DCC: variants seen among roughly 807,000 people sequenced by gnomAD.
DCC encodes the protein netrin receptor DCC.
A neutral mutation model predicts 172.5 loss-of-function variants in DCC; 58 were observed. That is an observed-to-expected ratio of 0.34 (90% CI 0.27 to 0.42). The LOEUF (loss-of-function observed/expected upper bound fraction) is 0.42. DCC is among the 10% of genes least tolerant of loss of function. The pLI is 1.00. For synonymous variants in DCC, 709 were observed against 644.5 expected (o/e 1.10, Z -1.52); for missense variants, 1,740 against 1,791.0 (o/e 0.97, Z 0.51).
chr18:53,047,872 TCTA>T (rs1200035962), intron 5 of DCC, among the ~76,000 whole-genome samples: 1 of 151,126 alleles, frequency 6.6e-6, no homozygotes, highest in Non-Finnish European at 1.5e-5. Context: ...AATGGATAGA[TCTA>T]CTATTTTCTT....
At chr18:52,797,287 T>C (rs537483958) in intron 2 of DCC, among the ~76,000 whole-genome samples, 1 of 152,230 alleles carries the variant, frequency 6.6e-6, no homozygotes, top group Non-Finnish European at 1.5e-5. Context: ...TATTGAAGAA[T>C]TATTTTGTTC....
chr18:52,499,735 A>T (rs1438089868), intron 1 of DCC, among the ~76,000 whole-genome samples: 28 of 152,064 alleles, frequency 1.8e-4, no homozygotes, highest in Non-Finnish European at 4.4e-5. Context: ...TCCCTTCTGT[A>T]TATTTTCTAG....
intron 2 of DCC, among the ~76,000 whole-genome samples, chr18:52,788,261 A>T (rs2037695127): frequency 6.6e-6 from 1 of 152,172 alleles, no homozygotes; most frequent in African/African-American, 2.4e-5. Flanking sequence ...TGCAAATAAA[A>T]CTGTTTAGTG....
intron 12 of DCC, among the ~76,000 whole-genome samples, chr18:53,237,521 A>G (rs1478089703): frequency 4.6e-5 from 7 of 152,156 alleles, no homozygotes; most frequent in Admixed American, 3.9e-4. Context: ...TTGAGTGCTC[A>G]TGCAGGGTGC....
intron 1 of DCC, among the ~76,000 whole-genome samples, chr18:52,733,678 TA>T (rs1318663813): frequency 6.6e-6 from 1 of 152,054 alleles, no homozygotes; most frequent in Non-Finnish European, 1.5e-5. Flanking sequence ...AATGTTTTTG[TA>T]AAGACATGTT....
At chr18:53,476,205 T>G (rs990270980) in intron 25 of DCC, among the ~76,000 whole-genome samples, 1 of 152,210 alleles carries the variant, frequency 6.6e-6, no homozygotes, top group African/African-American at 2.4e-5. Flanking sequence ...TCAGATGAGA[T>G]GTCGGGCTGT....
At chr18:52,421,353 C>T (rs907501059) in intron 1 of DCC, among the ~76,000 whole-genome samples, 9 of 152,230 alleles carry the variant, frequency 5.9e-5, no homozygotes, top group Admixed American at 5.2e-4. Flanking sequence ...ATGGCAGGTC[C>T]GATGACATTC....
chr18:52,436,993 A>G (rs1243463377), intron 1 of DCC, among the ~76,000 whole-genome samples: 5 of 152,188 alleles, frequency 3.3e-5, no homozygotes, highest in Non-Finnish European at 7.3e-5. Context: ...ATAGATGGAG[A>G]AACTGATCCT....
chr18:53,059,881 G>T (rs1007245737), intron 5 of DCC, among the ~76,000 whole-genome samples: 2 of 152,116 alleles, frequency 1.3e-5, no homozygotes, highest in Non-Finnish European at 2.9e-5. Context: ...TACTAAGGAT[G>T]AGGCATTGTA....
At chr18:53,027,623 A>G (rs1051012423) in intron 5 of DCC, among the ~76,000 whole-genome samples, 3 of 152,154 alleles carry the variant, frequency 2.0e-5, no homozygotes, top group African/African-American at 7.2e-5. Context: ...ATACTTGGAC[A>G]CATCTGAGAT....
chr18:52,608,754 T>A (rs1006663440), intron 1 of DCC, among the ~76,000 whole-genome samples: 1 of 152,198 alleles, frequency 6.6e-6, no homozygotes, highest in African/African-American at 2.4e-5. Context: ...CCTTGCACTA[T>A]GAACTGGCCT....
chr18:52,607,702 A>C (rs1021952782), intron 1 of DCC, among the ~76,000 whole-genome samples: 2 of 152,202 alleles, frequency 1.3e-5, no homozygotes, highest in Non-Finnish European at 2.9e-5. Flanking sequence ...AAAGAGTACA[A>C]AAATATCCAT....
intron 5 of DCC, among the ~76,000 whole-genome samples, chr18:52,958,296 A>G (rs545260616): frequency 3.9e-4 from 59 of 152,218 alleles, no homozygotes; most frequent in African/African-American, 1.4e-3. Context: ...ATAATCTATC[A>G]AAAAATAGAT....
intron 5 of DCC, among the ~76,000 whole-genome samples, chr18:52,954,421 C>A (rs1055472513): frequency 1.3e-5 from 2 of 151,814 alleles, no homozygotes; most frequent in East Asian, 3.9e-4. Context: ...CTAATTTAGT[C>A]TGACTTATTT....
chr18:52,697,517 A>C lies in DCC; in HGVS notation c.92-54537A>C, dbSNP rs554349149. On this transcript the variant is annotated intron_variant, in intron 1 of 28. Coordinates refer to ENST00000442544, the MANE Select transcript of DCC (RefSeq NM_005215.4). Reference sequence around the variant, plus strand: ...CATAATAATGCCTAGTGAGTATCAAATGACCCAGAAAATAGTCATTAAAAA... The same window carrying C: ...CATAATAATGCCTAGTGAGTATCAACTGACCCAGAAAATAGTCATTAAAAA... Among the ~76,000 whole-genome samples the C allele has an allele frequency of 2.0e-5, 3 of 152,344 alleles. No individual in the cohort carries two copies. The East Asian group carries it at 5.8e-4, about 29-fold the overall frequency.
At chr18:53,381,659 T>A (rs1405872788) in intron 15 of DCC, among the ~76,000 whole-genome samples, 2 of 147,930 alleles carry the variant, frequency 1.4e-5, no homozygotes, top group Non-Finnish European at 3.0e-5. Context: ...GACTTCAGTA[T>A]CTATTTTTCC....
At chr18:52,902,567 T>C (rs9304436) in intron 2 of DCC, among the ~76,000 whole-genome samples, 59,192 of 151,696 alleles carry the variant, frequency 0.39, 12,087 homozygotes, top group Non-Finnish European at 0.47. Flanking sequence ...TAGATGACTT[T>C]TACGAAAATA....
At chr18:53,528,452 C>A (rs2046483994) in intron 28 of DCC, among the ~76,000 whole-genome samples, 1 of 152,052 alleles carries the variant, frequency 6.6e-6, no homozygotes, top group South Asian at 2.1e-4. Context: ...AATCAAACTT[C>A]TAAGTTTACA....
At chr18:53,274,771 T>C (rs2144714658) in intron 12 of DCC, among the ~76,000 whole-genome samples, 1 of 152,254 alleles carries the variant, frequency 6.6e-6, no homozygotes, top group African/African-American at 2.4e-5. Flanking sequence ...TAGGCCCTTA[T>C]TGATCGAAGT....
Sources: allele counts gnomAD v4.1 joint callset (sites outside exome capture counted in the v4.1 genomes callset), GRCh38; gene constraint gnomAD v4.1.1; transcripts MANE v1.5; gene names NCBI Gene and HGNC (gene_info 2026-07-23, HGNC 2026-07-21).